The following OPCML variants were observed in gnomAD, a reference collection of about 807,000 sequenced individuals.
OPCML encodes opioid-binding protein/cell adhesion molecule.
In OPCML, 13 loss-of-function variants were observed where a neutral mutation model predicts 37.8. The observed-to-expected ratio is 0.34, with a 90% CI of 0.22 to 0.55. The LOEUF (loss-of-function observed/expected upper bound fraction) is 0.55. OPCML is among the 20% of genes least tolerant of loss of function. The probability of loss-of-function intolerance (pLI) is 0.91; values close to 1 mark genes in which losing one functional copy is unlikely to be tolerated. For missense variants in OPCML, 341 were observed against 435.6 expected (o/e 0.78, Z 1.93); for synonymous variants, 176 against 168.8 (o/e 1.04, Z -0.33).
chr11:132,595,676 G>A (rs945967976), intron 3 of OPCML, among the ~76,000 whole-genome samples: 1 of 152,118 alleles, frequency 6.6e-6, no homozygotes, highest in Non-Finnish European at 1.5e-5. Context: ...GAACAAAATA[G>A]CAATTTCCGT....
intron 3 of OPCML, among the ~76,000 whole-genome samples, chr11:132,559,674 T>C (rs1158784368): frequency 2.6e-5 from 4 of 152,140 alleles, no homozygotes; most frequent in Admixed American, 6.5e-5. Flanking sequence ...TGAGGGAAAC[T>C]TCACCCCATG....
intron 1 of OPCML, among the ~76,000 whole-genome samples, chr11:133,148,294 T>C (rs1949926468): frequency 6.6e-6 from 1 of 152,120 alleles, no homozygotes; most frequent in African/African-American, 2.4e-5. Flanking sequence ...CCAAGCTTGC[T>C]CCCTCATGCC....
intron 1 of OPCML, among the ~76,000 whole-genome samples, chr11:133,009,906 G>A (rs2136871211): frequency 6.6e-6 from 1 of 152,304 alleles, no homozygotes; most frequent in Admixed American, 6.5e-5. Flanking sequence ...GATATCTACT[G>A]TCTTCAGTTC....
intron 1 of OPCML, chr11:133,004,658 G>T: frequency 1.0e-6 from 1 of 985,464 alleles, no homozygotes; most frequent in Non-Finnish European, 1.2e-6. Context: ...GAGGCCAGCT[G>T]GCGAGGGACC....
chr11:132,505,715 G>A (rs207472549), intron 4 of OPCML, among the ~76,000 whole-genome samples: 2 of 152,122 alleles, frequency 1.3e-5, no homozygotes, highest in African/African-American at 4.8e-5. Flanking sequence ...TTTCAAACCT[G>A]AGCAGCTCTC....
intron 2 of OPCML, among the ~76,000 whole-genome samples, chr11:132,681,424 A>G (rs528438489): frequency 1.3e-5 from 2 of 152,270 alleles, no homozygotes; most frequent in African/African-American, 4.8e-5. Flanking sequence ...GGAGAGAAGC[A>G]GCTTGGCTTC....
At chr11:132,936,054 T>C (rs1010494057) in intron 2 of OPCML, among the ~76,000 whole-genome samples, 1 of 152,170 alleles carries the variant, frequency 6.6e-6, no homozygotes, top group African/African-American at 2.4e-5. Context: ...GTTTGCAGCG[T>C]GCACCATTTC....
intron 1 of OPCML, among the ~76,000 whole-genome samples, chr11:133,464,861 A>C (rs1946940773): frequency 6.6e-6 from 1 of 152,058 alleles, no homozygotes. Flanking sequence ...GAATGATGGA[A>C]ATGAGGTAGA....
intron 1 of OPCML, among the ~76,000 whole-genome samples, chr11:133,436,793 G>A (rs965416199): frequency 6.6e-6 from 1 of 152,174 alleles, no homozygotes; most frequent in Non-Finnish European, 1.5e-5. Context: ...CTTCTGAGGA[G>A]CAAGGGTAAT....
At chr11:132,825,718 C>T (rs2136263217) in intron 2 of OPCML, among the ~76,000 whole-genome samples, 1 of 152,178 alleles carries the variant, frequency 6.6e-6, no homozygotes, top group Admixed American at 6.5e-5. Flanking sequence ...TTTAGCATTC[C>T]CAGGGGAAGC....
chr11:133,305,726 C>A (rs574296397), intron 1 of OPCML, among the ~76,000 whole-genome samples: 13 of 152,284 alleles, frequency 8.5e-5, no homozygotes, highest in African/African-American at 2.9e-4. Flanking sequence ...GTTCCCAGAG[C>A]ATCCTGGGAC....
At chr11:132,645,350 A>G (rs2135734106) in intron 3 of OPCML, among the ~76,000 whole-genome samples, 1 of 152,314 alleles carries the variant, frequency 6.6e-6, no homozygotes, top group East Asian at 1.9e-4. Flanking sequence ...CTGCCCTTTG[A>G]GATGCTTATT....
chr11:132,893,839 C>T (rs1943740182), intron 2 of OPCML, among the ~76,000 whole-genome samples: 1 of 152,206 alleles, frequency 6.6e-6, no homozygotes, highest in Admixed American at 6.5e-5. Flanking sequence ...CGTCTCCTGG[C>T]TTCCAATAAG....
chr11:132,722,323 T>G (rs544501581), intron 2 of OPCML, among the ~76,000 whole-genome samples: 28 of 152,172 alleles, frequency 1.8e-4, no homozygotes, highest in African/African-American at 6.3e-4. Flanking sequence ...TATAAAGTTG[T>G]TTTTTAGAGG....
At chr11:133,072,020 C>G (rs555237771) in intron 1 of OPCML, among the ~76,000 whole-genome samples, 35 of 152,272 alleles carry the variant, frequency 2.3e-4, no homozygotes, top group African/African-American at 7.7e-4. Context: ...CCAATTGCTC[C>G]TAAGTGATTC....
intron 4 of OPCML, among the ~76,000 whole-genome samples, chr11:132,499,344 G>A (rs1008302535): frequency 4.6e-5 from 7 of 152,178 alleles, no homozygotes; most frequent in Admixed American, 1.3e-4. Context: ...TGCCTGTTAC[G>A]CTGCCTCCCT....
chr11:132,494,527 A>G (rs2096225274), intron 4 of OPCML, among the ~76,000 whole-genome samples: 1 of 152,106 alleles, frequency 6.6e-6, no homozygotes, highest in African/African-American at 2.4e-5. Context: ...ATTGATGTCT[A>G]CAAAACCCTA....
intron 1 of OPCML, among the ~76,000 whole-genome samples, chr11:133,158,712 AAAAATAAAATAAAATAAAAT>A (rs560451941): frequency 8.2e-5 from 11 of 134,256 alleles, no homozygotes; most frequent in South Asian, 2.4e-4. Context: ...ATAAAATTAA[AAAAATAAAATAAAATAAAAT>A]AAAATAAAAT....
intron 1 of OPCML, among the ~76,000 whole-genome samples, chr11:132,978,626 T>C (rs983180629): frequency 6.6e-6 from 1 of 152,180 alleles, no homozygotes; most frequent in African/African-American, 2.4e-5. Flanking sequence ...GGCAAGGCTT[T>C]ATAACCAAGG....
Sources: allele counts gnomAD v4.1 joint callset (sites outside exome capture counted in the v4.1 genomes callset), GRCh38; gene constraint gnomAD v4.1.1; transcripts MANE v1.5; gene names NCBI Gene and HGNC (gene_info 2026-07-23, HGNC 2026-07-21).